Variants in VWA8 observed in about 807,000 individuals in gnomAD.
VWA8 encodes von Willebrand factor A domain-containing protein 8.
A neutral mutation model predicts 241.5 loss-of-function variants in VWA8; 221 were observed. The ratio of observed to expected loss-of-function variants is 0.91; its 90% confidence interval spans 0.82 to 1.02. The LOEUF (loss-of-function observed/expected upper bound fraction) is 1.02. Among genes scored for constraint, VWA8 ranks in the 50% least tolerant of loss-of-function variants. VWA8 has a pLI of 0.00. For missense variants in VWA8, 2,322 were observed against 2,328.7 expected (o/e 1.00, Z 0.06); for synonymous variants, 852 against 827.1 (o/e 1.03, Z -0.52).
chr13:41,939,720 T>C (rs181187847), intron 2 of VWA8, among the ~76,000 whole-genome samples: 36 of 152,364 alleles, frequency 2.4e-4, no homozygotes, highest in African/African-American at 7.9e-4. Context: ...TAGTTTTGCA[T>C]TGAAGTTTAG....
intron 43 of VWA8, among the ~76,000 whole-genome samples, chr13:41,571,495 C>A: frequency 6.6e-6 from 1 of 152,174 alleles, no homozygotes; most frequent in East Asian, 1.9e-4. Context: ...ATTGCAGGTG[C>A]CCGCCGCCAC....
intron 2 of VWA8, among the ~76,000 whole-genome samples, chr13:41,932,887 C>T (rs1877188865): frequency 6.6e-6 from 1 of 151,874 alleles, no homozygotes; most frequent in South Asian, 2.1e-4. Flanking sequence ...AAAACCCTTT[C>T]CCCCAACATC....
intron 21 of VWA8, among the ~76,000 whole-genome samples, chr13:41,753,067 G>C (rs140406024): frequency 7.0e-4 from 106 of 152,246 alleles, no homozygotes; most frequent in Non-Finnish European, 1.4e-3. Flanking sequence ...TTAGATGGAG[G>C]AATAAAGAAG....
At chr13:41,806,050 T>C (rs1593784455) in intron 17 of VWA8, among the ~76,000 whole-genome samples, 1 of 143,806 alleles carries the variant, frequency 7.0e-6, no homozygotes. Flanking sequence ...GTGACCACAA[T>C]GGAATAAAAC....
In VWA8 at chr13:41,671,039, A is replaced by G. The variant is rs1348297912; in HGVS notation, c.4518T>C (p.Gly1506=). The G allele has an allele frequency of 6.2e-7, 1 of 1,613,728 alleles. No individual in the cohort carries two copies. Among genetic ancestry groups the G allele is most frequent in the East Asian group, 2.2e-5 (1 of 44,874 alleles). The stretch of plus-strand genomic sequence containing the variant: ...GTCCAGTTTCCCAAAGCCTGATGTG[A>G]CCTCCCATATCAACAGTAACAACAC... ...KSGVVTVDMG[G]HIRLWETGLE... is the part of the protein sequence containing the mutation. The change falls in exon 37 of 45, where the codon GGT becomes GGC. Residue 1506 remains glycine (G), a synonymous_variant. Transcript: ENST00000379310.
chr13:41,876,447 A>G (rs1252689516), intron 9 of VWA8, among the ~76,000 whole-genome samples: 2 of 152,034 alleles, frequency 1.3e-5, no homozygotes, highest in Non-Finnish European at 2.9e-5. Flanking sequence ...CTCCTGCCTC[A>G]GCGTTTTTAT....
intron 4 of VWA8, among the ~76,000 whole-genome samples, chr13:41,897,672 T>G (rs1300391602): frequency 2.0e-5 from 3 of 152,088 alleles, no homozygotes; most frequent in Non-Finnish European, 4.4e-5. Context: ...TCTGGAGTTG[T>G]TTGTTCCTCC....
At chr13:41,606,513 C>T (rs1237455511) in intron 39 of VWA8, among the ~76,000 whole-genome samples, 1 of 151,974 alleles carries the variant, frequency 6.6e-6, no homozygotes, top group Non-Finnish European at 1.5e-5. Context: ...TCTCAAAAGC[C>T]CAAGCATAGC....
At chr13:41,953,823 A>G (rs1355546779) in intron 1 of VWA8, among the ~76,000 whole-genome samples, 1 of 151,160 alleles carries the variant, frequency 6.6e-6, no homozygotes, top group Non-Finnish European at 1.5e-5. Context: ...AAAAATTAAA[A>G]AAGAAAATTA....
At chr13:41,931,459 A>G (rs1376024597) in intron 2 of VWA8, among the ~76,000 whole-genome samples, 1 of 151,964 alleles carries the variant, frequency 6.6e-6, no homozygotes, top group Non-Finnish European at 1.5e-5. Context: ...TAAATAGCAG[A>G]TATGTAAGAT....
intron 26 of VWA8, among the ~76,000 whole-genome samples, chr13:41,714,522 C>T (rs1289839307): frequency 6.6e-6 from 1 of 151,910 alleles, no homozygotes; most frequent in African/African-American, 2.4e-5. Flanking sequence ...TTACCACAAT[C>T]TTTGAGAAGT....
At chr13:41,739,817 T>C (rs973318200) in intron 21 of VWA8, among the ~76,000 whole-genome samples, 2 of 107,944 alleles carry the variant, frequency 1.9e-5, no homozygotes, top group African/African-American at 8.5e-5. Context: ...TCCAGTATCA[T>C]TGTTTTTTTG....
intron 1 of VWA8, chr13:41,955,747 T>C (rs985970277): frequency 1.3e-5 from 2 of 152,208 alleles, no homozygotes; most frequent in African/African-American, 4.8e-5. Context: ...AATTGCAACA[T>C]AACTTTGTAT....
At chr13:41,595,853 G>A (rs2044484680) in intron 40 of VWA8, among the ~76,000 whole-genome samples, 1 of 152,130 alleles carries the variant, frequency 6.6e-6, no homozygotes, top group African/African-American at 2.4e-5. Context: ...GTGTGGAAAT[G>A]CTGGGTCACA....
intron 26 of VWA8, among the ~76,000 whole-genome samples, chr13:41,709,308 T>C (rs1261200279): frequency 1.3e-5 from 2 of 152,250 alleles, no homozygotes; most frequent in Non-Finnish European, 2.9e-5. Flanking sequence ...CCTCTCTCGC[T>C]GTTGTACCTC....
chr13:41,627,189 A>T (rs1169724078), intron 37 of VWA8, among the ~76,000 whole-genome samples: 1 of 152,208 alleles, frequency 6.6e-6, no homozygotes, highest in Non-Finnish European at 1.5e-5. Context: ...TATTAGAGAA[A>T]TGCAAATCAC....
Position 41,816,698 on chromosome 13 carries a change from C to T in VWA8, c.1947G>A (p.Thr649=), listed in dbSNP as rs1392693732. ...TCCTGTGGAAAAAGCCTAGACTTAC[C>T]GTTGGATCCTGTGTTTCTCTGAGTT... ...THKLRETQDP[T]AQSLAASLST... The change falls in exon 16 of 45, where the codon ACG becomes ACA. Residue 649 remains threonine, a splice_region_variant and synonymous_variant. Transcript: ENST00000379310. 5.6e-6 allele frequency: 9 copies of T among 1,612,632 alleles called. No homozygotes were observed. The highest frequency in any genetic ancestry group is 4.4e-5 in the South Asian group (4 of 90,798).
intron 2 of VWA8, among the ~76,000 whole-genome samples, chr13:41,915,274 G>A (rs767989857): frequency 1.5e-4 from 23 of 152,168 alleles, no homozygotes; most frequent in Non-Finnish European, 2.5e-4. Flanking sequence ...CACATGTACT[G>A]AGAAACACTG....
chr13:41,954,342 A>C (rs768848443), intron 1 of VWA8, among the ~76,000 whole-genome samples: 10 of 152,130 alleles, frequency 6.6e-5, no homozygotes, highest in Admixed American at 2.0e-4. Context: ...CAACAAACAC[A>C]CAGAAACAGA....
Sources: allele counts gnomAD v4.1 joint callset (sites outside exome capture counted in the v4.1 genomes callset), GRCh38; gene constraint gnomAD v4.1.1; transcripts MANE v1.5; gene names NCBI Gene and HGNC (gene_info 2026-07-23, HGNC 2026-07-21).